Variants in ARMC2 observed in about 807,000 individuals in gnomAD.
ARMC2 encodes the protein armadillo repeat containing 2, also known as armadillo repeat-containing protein 2.
ARMC2 carries 67 observed loss-of-function variants against 90.3 expected under a neutral mutation model. That is an observed-to-expected ratio of 0.74 (90% CI 0.61 to 0.91). ARMC2 has a LOEUF of 0.91. Among genes scored for constraint, ARMC2 ranks in the 40% least tolerant of loss-of-function variants. The probability of loss-of-function intolerance (pLI) is 0.00; values close to 1 mark genes in which losing one functional copy is unlikely to be tolerated. For missense variants in ARMC2, 920 were observed against 1,030.9 expected (o/e 0.89, Z 1.47); for synonymous variants, 393 against 393.0 (o/e 1.00, Z 0.00).
the ARMC2 span, among the ~76,000 whole-genome samples, chr6:109,009,185 A>G: frequency 4.6e-5 from 7 of 152,168 alleles, no homozygotes; most frequent in Non-Finnish European, 1.0e-4. Context: ...CGAGGGGCGC[A>G]GGAGGGCCGG....
At chr6:108,994,382 G>T in the ARMC2 span, 2 of 1,170,920 alleles carry the variant, frequency 1.7e-6, no homozygotes, top group East Asian at 2.4e-5. Context: ...TTAGATTGAT[G>T]CTTTAAAAGT....
At chr6:108,988,451 G>A in the ARMC2 span, 4 of 1,156,802 alleles carry the variant, frequency 3.5e-6, no homozygotes, top group Non-Finnish European at 4.8e-6. Context: ...TGGTAGGGGT[G>A]ATGGAAAGGG....
At chr6:108,995,771 G>A in the ARMC2 span, among the ~76,000 whole-genome samples, 2 of 152,064 alleles carry the variant, frequency 1.3e-5, no homozygotes, top group Non-Finnish European at 2.9e-5. Context: ...ACAACAGAGA[G>A]AGACTTTGTC....
intron 3 of ARMC2, among the ~76,000 whole-genome samples, chr6:108,867,409 C>T (rs1447722941): frequency 2.0e-5 from 3 of 152,022 alleles, no homozygotes; most frequent in African/African-American, 7.2e-5. Flanking sequence ...TCAGCATCGA[C>T]ACTTAAGAAA....
chr6:108,987,638 T>C, the ARMC2 span: 12 of 1,473,118 alleles, frequency 8.1e-6, no homozygotes, highest in Non-Finnish European at 1.1e-5. Flanking sequence ...AACCTGAATA[T>C]AAAATACAAC....
chr6:108,997,007 G>T, the ARMC2 span, among the ~76,000 whole-genome samples: 4 of 144,676 alleles, frequency 2.8e-5, no homozygotes, highest in African/African-American at 7.4e-5. Flanking sequence ...AGAGAGTAAA[G>T]AAATGAATAA....
In ARMC2 at chr6:108,953,081, A is replaced by C. The variant is rs1240670786; in HGVS notation, c.1645A>C (p.Asn549His). The change falls in exon 13 of 18, where the codon AAT becomes CAT. Residue 549 changes from asparagine (N) to histidine (H), a missense_variant. Asn to His is a moderately conservative substitution (Grantham distance 68). Coordinates refer to ENST00000392644, the MANE Select transcript of ARMC2 (RefSeq NM_032131.6). ...TATTCTTGGCAACCTGACGGCAAAA[A>C]ATAACCAGGCTCGTGAACAATTTTC... ...VFILGNLTAK[N>H]NQAREQFSKE... is the part of the protein sequence containing the mutation. 1 of 1,613,656 alleles carries C rather than the reference A, an allele frequency of 6.2e-7. No homozygotes were observed. Among genetic ancestry groups the C allele is most frequent in the Non-Finnish European group, 8.5e-7 (1 of 1,179,730 alleles).
At chr6:108,880,341 A>C (rs1777402196) in intron 5 of ARMC2, 1 of 175,808 alleles carries the variant, frequency 5.7e-6, no homozygotes, top group Non-Finnish European at 1.2e-5. Context: ...GAGTTTGCCA[A>C]CCCCAGCTAC....
the ARMC2 span, among the ~76,000 whole-genome samples, chr6:108,982,386 T>TTA: frequency 6.6e-6 from 1 of 152,174 alleles, no homozygotes; most frequent in African/African-American, 2.4e-5. Flanking sequence ...TTATAAGGGT[T>TTA]TACTGCCACT....
At chr6:108,874,225 C>T (rs868217716) in intron 4 of ARMC2, among the ~76,000 whole-genome samples, 2 of 152,198 alleles carry the variant, frequency 1.3e-5, no homozygotes, top group African/African-American at 2.4e-5. Flanking sequence ...ACCTGACAAG[C>T]TTACTCCAGT....
chr6:108,930,678 G>A (rs1187242604), intron 11 of ARMC2, among the ~76,000 whole-genome samples: 1 of 142,408 alleles, frequency 7.0e-6, no homozygotes, highest in African/African-American at 2.6e-5. Flanking sequence ...CTCACTGCAA[G>A]CTTCGCCTCC....
At chr6:108,939,974 G>A (rs957197414) in intron 12 of ARMC2, among the ~76,000 whole-genome samples, 1 of 152,222 alleles carries the variant, frequency 6.6e-6, no homozygotes, top group African/African-American at 2.4e-5. Context: ...TGAAGCCTGA[G>A]TCTGTTGATG....
At chr6:108,988,188 C>T in the ARMC2 span, among the ~76,000 whole-genome samples, 1 of 152,160 alleles carries the variant, frequency 6.6e-6, no homozygotes, top group Non-Finnish European at 1.5e-5. Flanking sequence ...ACTGTTTTAT[C>T]AGAATAGCAA....
intron 17 of ARMC2, among the ~76,000 whole-genome samples, chr6:108,968,324 C>T (rs1301972312): frequency 3.3e-5 from 5 of 152,210 alleles, no homozygotes; most frequent in Non-Finnish European, 7.3e-5. Context: ...CATCCGAAAA[C>T]AAACAACTAG....
intron 5 of ARMC2, 65 bp from the exon 6 acceptor site, chr6:108,894,402 C>T: frequency 7.2e-7 from 1 of 1,393,782 alleles, no homozygotes; most frequent in Admixed American, 2.1e-5. Flanking sequence ...ATAGCAGACT[C>T]TTGTCATTTA....
intron 11 of ARMC2, among the ~76,000 whole-genome samples, chr6:108,930,592 C>CTTTT (rs144870507): frequency 3.2e-4 from 30 of 93,782 alleles, no homozygotes; most frequent in Non-Finnish European, 4.5e-4. Flanking sequence ...TGCCCTGAAT[C>CTTTT]TTTTTTTTTT....
chr6:108,940,016 G>A (rs1016832181), intron 12 of ARMC2, among the ~76,000 whole-genome samples: 2 of 152,182 alleles, frequency 1.3e-5, no homozygotes, highest in Admixed American at 6.5e-5. Context: ...CTTCTTTGTA[G>A]ATTTTCTCTC....
intron 9 of ARMC2, among the ~76,000 whole-genome samples, chr6:108,911,465 G>GTTGTAC (rs1476350478): frequency 5.3e-5 from 8 of 151,986 alleles, no homozygotes; most frequent in African/African-American, 1.9e-4. Flanking sequence ...CCTAATTTTT[G>GTTGTAC]TTGTACTTCT....
At chr6:109,044,190 C>T in the ARMC2 span, among the ~76,000 whole-genome samples, 6 of 151,378 alleles carry the variant, frequency 4.0e-5, no homozygotes, top group Admixed American at 6.6e-5. Context: ...TGGCACCTGC[C>T]GGTGATCCCA....
Sources: gnomAD v4.1 joint callset for allele counts (sites outside exome capture counted in the v4.1 genomes callset) on GRCh38, gnomAD v4.1.1 for gene constraint, MANE v1.5 for transcripts, NCBI Gene and HGNC (gene_info 2026-07-23, HGNC 2026-07-21) for gene names.